Variants in SDK1 observed in about 807,000 individuals in gnomAD.
SDK1 encodes protein sidekick-1.
A neutral mutation model predicts 245.5 loss-of-function variants in SDK1; 157 were observed. The observed-to-expected ratio is 0.64, with a 90% CI of 0.56 to 0.73. The LOEUF (loss-of-function observed/expected upper bound fraction) is 0.73, where lower values mean the gene tolerates loss of function less well. SDK1 is among the 30% of genes least tolerant of loss of function. The pLI, the probability that SDK1 is intolerant of heterozygous loss-of-function variation, is 0.00. For missense variants in SDK1, 3,583 were observed against 3,002.3 expected, an observed-to-expected ratio of 1.19 and a Z score of -4.52; for synonymous variants, 1,647 against 1,278.5, an observed-to-expected ratio of 1.29 and a Z score of -6.15.
chr7:3,520,868 TAATA>T (rs1344483055), intron 1 of SDK1, among the ~76,000 whole-genome samples: 1 of 152,204 alleles, frequency 6.6e-6, no homozygotes, highest in African/African-American at 2.4e-5. Context: ...GTTTTTGCCA[TAATA>T]AATTACCACA....
chr7:3,687,739 C>G (rs1784331574), intron 4 of SDK1, among the ~76,000 whole-genome samples: 1 of 152,142 alleles, frequency 6.6e-6, no homozygotes, highest in Non-Finnish European at 1.5e-5. Context: ...GAGGATAGAG[C>G]TGGATGCGAT....
chr7:3,807,396 C>T (rs1251442601), intron 4 of SDK1, among the ~76,000 whole-genome samples: 5 of 152,194 alleles, frequency 3.3e-5, no homozygotes, highest in African/African-American at 4.8e-5. Flanking sequence ...GGTATAGTCG[C>T]GCTCCCGGTA....
chr7:3,550,301 C>T (rs1562556437), intron 1 of SDK1, among the ~76,000 whole-genome samples: 1 of 152,142 alleles, frequency 6.6e-6, no homozygotes, highest in Non-Finnish European at 1.5e-5. Context: ...TCATTCTAGC[C>T]TTTATATTGT....
chr7:3,885,928 T>G (rs1781328316), intron 5 of SDK1, among the ~76,000 whole-genome samples: 1 of 152,162 alleles, frequency 6.6e-6, no homozygotes, highest in Non-Finnish European at 1.5e-5. Context: ...CACTTACTCC[T>G]AAGTTGAGTT....
chr7:3,328,005 C>G (rs939508618), intron 1 of SDK1, among the ~76,000 whole-genome samples: 13 of 152,068 alleles, frequency 8.5e-5, no homozygotes, highest in Non-Finnish European at 2.9e-5. Context: ...GTTTGTCCCT[C>G]TGGAGGCTGT....
intron 39 of SDK1, 36 bp from the exon 40 acceptor site, chr7:4,221,203 T>G: frequency 6.2e-7 from 1 of 1,609,808 alleles, no homozygotes; most frequent in Non-Finnish European, 8.5e-7. Context: ...CCCGCAGGGC[T>G]GATGCCTCAC....
At chr7:3,328,520 A>G (rs1038139440) in intron 1 of SDK1, among the ~76,000 whole-genome samples, 1 of 152,108 alleles carries the variant, frequency 6.6e-6, no homozygotes, top group Non-Finnish European at 1.5e-5. Flanking sequence ...TTACTTATAT[A>G]TATAAAAAAA....
intron 1 of SDK1, among the ~76,000 whole-genome samples, chr7:3,585,227 G>C (rs1406874263): frequency 6.6e-6 from 1 of 152,178 alleles, no homozygotes; most frequent in Non-Finnish European, 1.5e-5. Flanking sequence ...GACTCACTTT[G>C]GAAAATGGCT....
chr7:3,975,354 A>G (rs928511214), intron 13 of SDK1, among the ~76,000 whole-genome samples: 1 of 152,188 alleles, frequency 6.6e-6, no homozygotes, highest in African/African-American at 2.4e-5. Context: ...CACCCAGCGC[A>G]TCCGTCCCTG....
At chr7:3,376,406 T>A (rs1047120744) in intron 1 of SDK1, among the ~76,000 whole-genome samples, 2 of 152,054 alleles carry the variant, frequency 1.3e-5, no homozygotes, top group African/African-American at 4.8e-5. Flanking sequence ...TTGAGCAACC[T>A]GTATTACAAA....
At chr7:3,696,726 A>C (rs1238383243) in intron 4 of SDK1, among the ~76,000 whole-genome samples, 1 of 152,152 alleles carries the variant, frequency 6.6e-6, no homozygotes, top group African/African-American at 2.4e-5. Context: ...TCAAAGGATG[A>C]AATAATATAT....
rs543020386 is a variant in SDK1 at position 3,391,720 on chromosome 7, T to C, written c.298+89836T>C. On this transcript the variant is annotated intron_variant, in intron 1 of 44. Coordinates refer to ENST00000404826, the MANE Select transcript of SDK1 (RefSeq NM_152744.4). ...GGCATGATCATGGCTCACTGCAACC[T>C]CCGCTTGCCAGGTTTAAGTGATCCT... Among the ~76,000 whole-genome samples, 22 of 146,992 alleles carry C rather than the reference T, an allele frequency of 1.5e-4. No homozygotes were observed. In the South Asian group the frequency reaches 2.6e-3, roughly 17 times the overall value.
At chr7:4,105,926 G>A (rs956284040) in intron 22 of SDK1, among the ~76,000 whole-genome samples, 4 of 152,222 alleles carry the variant, frequency 2.6e-5, no homozygotes, top group African/African-American at 9.6e-5. Context: ...AGGAGGAAGT[G>A]CAGGCAGAGC....
intron 40 of SDK1, among the ~76,000 whole-genome samples, chr7:4,230,149 G>T (rs866073958): frequency 3.2e-5 from 4 of 125,656 alleles, no homozygotes; most frequent in Non-Finnish European, 4.9e-5. Context: ...ATGGATAGAT[G>T]AATGGAAGGA....
intron 4 of SDK1, among the ~76,000 whole-genome samples, chr7:3,761,340 C>G (rs972663226): frequency 7.4e-6 from 1 of 135,158 alleles, no homozygotes; most frequent in Non-Finnish European, 1.5e-5. Context: ...AGTGAATTCA[C>G]ATGCCATTTC....
chr7:3,693,318 C>T (rs929308732), intron 4 of SDK1, among the ~76,000 whole-genome samples: 1 of 152,058 alleles, frequency 6.6e-6, no homozygotes, highest in African/African-American at 2.4e-5. Context: ...TTCCAAATCC[C>T]TCTCGTTATT....
At chr7:3,310,244 T>A (rs1303381990) in intron 1 of SDK1, among the ~76,000 whole-genome samples, 1 of 152,234 alleles carries the variant, frequency 6.6e-6, no homozygotes, top group East Asian at 1.9e-4. Flanking sequence ...GCTTTGGTGC[T>A]GAGTCCAAAA....
chr7:3,394,047 A>C (rs1781829142), intron 1 of SDK1, among the ~76,000 whole-genome samples: 1 of 152,152 alleles, frequency 6.6e-6, no homozygotes, highest in East Asian at 1.9e-4. Flanking sequence ...GGGGCACCCT[A>C]AGGCCAGTAA....
intron 5 of SDK1, among the ~76,000 whole-genome samples, chr7:3,937,543 C>T (rs750256228): frequency 1.3e-5 from 2 of 152,190 alleles, no homozygotes; most frequent in Non-Finnish European, 2.9e-5. Context: ...CGTTTGGATC[C>T]CTCCATTCCA....
Sources: allele counts gnomAD v4.1 joint callset (sites outside exome capture counted in the v4.1 genomes callset), GRCh38; gene constraint gnomAD v4.1.1; transcripts MANE v1.5; gene names NCBI Gene and HGNC (gene_info 2026-07-23, HGNC 2026-07-21).